Variants in SNURF observed in about 807,000 individuals in gnomAD.
SNURF encodes SNURF protein.
In SNURF, 6 loss-of-function variants were observed where a neutral mutation model predicts 11.6. The ratio of observed to expected loss-of-function variants is 0.52; its 90% CI spans 0.28 to 1.02. The LOEUF (loss-of-function observed/expected upper bound fraction) is 1.02, where lower values mean the gene tolerates loss of function less well. SNURF is among the 50% of genes least tolerant of loss of function. The pLI, the probability that SNURF is intolerant of heterozygous loss-of-function variation, is 0.09. For synonymous variants in SNURF, 29 were observed against 31.6 expected (o/e 0.92, Z 0.27); for missense variants, 84 against 88.4 (o/e 0.95, Z 0.20).
downstream of SNURF, chr15:24,977,878 C>T: frequency 6.3e-7 from 1 of 1,599,824 alleles, no homozygotes; most frequent in Non-Finnish European, 8.5e-7. Flanking sequence ...GGACGGGGCA[C>T]TCCGCCCCCA....
At chr15:24,963,599 A>C (rs1431418975) in intron 2 of SNURF, among the ~76,000 whole-genome samples, 1 of 151,350 alleles carries the variant, frequency 6.6e-6, no homozygotes, top group East Asian at 1.9e-4. Context: ...TGGGTGACAG[A>C]GCAAGACTCC....
At chr15:24,974,643 C>T (rs973097195) in intron 3 of SNURF, 10 of 662,498 alleles carry the variant, frequency 1.5e-5, no homozygotes, top group Non-Finnish European at 2.4e-5. Context: ...TTTTTTCAGA[C>T]GGGGTCTTGC....
chr15:24,974,671 A>G, intron 3 of SNURF: 1 of 628,954 alleles, frequency 1.6e-6, no homozygotes, highest in Non-Finnish European at 2.8e-6. Flanking sequence ...CCCAGTCTGG[A>G]GTGCAGTGGT....
At chr15:24,962,660 G>C (rs994461656) in intron 2 of SNURF, among the ~76,000 whole-genome samples, 1 of 152,048 alleles carries the variant, frequency 6.6e-6, no homozygotes, top group South Asian at 2.1e-4. Context: ...CCTGTTTTAA[G>C]TATATATATG....
chr15:24,974,591 A>G (rs986295000), intron 3 of SNURF: 2 of 855,960 alleles, frequency 2.3e-6, no homozygotes, highest in Admixed American at 3.5e-5. Flanking sequence ...TTCTCATTGC[A>G]TTGAGTATCA....
intron 3 of SNURF, chr15:24,974,377 TTATC>T (rs772922093): frequency 1.1e-5 from 16 of 1,399,536 alleles, no homozygotes; most frequent in South Asian, 2.3e-5. Context: ...CGTCATACCT[TTATC>T]TATAGCCTTC....
At chr15:24,968,951 T>TA (rs2076047084), downstream of SNURF, 1 of 152,152 alleles carries the variant, frequency 6.6e-6, no homozygotes, top group Non-Finnish European at 1.5e-5. Flanking sequence ...TTTTCTACTT[T>TA]AAGTTTTAGA....
chr15:24,955,583 A>G (rs1446378815), intron 1 of SNURF, among the ~76,000 whole-genome samples: 1 of 119,012 alleles, frequency 8.4e-6, no homozygotes, highest in Non-Finnish European at 1.7e-5. Context: ...TGCGTGGTGG[A>G]GCAGGGTACG....
intron 2 of SNURF, among the ~76,000 whole-genome samples, chr15:24,965,804 A>G (rs981604337): frequency 6.6e-6 from 1 of 152,166 alleles, no homozygotes; most frequent in African/African-American, 2.4e-5. Flanking sequence ...CTATTGGGTT[A>G]CAGGTTAGAT....
exon 3 of SNURF, chr15:24,968,311 T>C: frequency 3.0e-6 from 1 of 333,432 alleles, no homozygotes; most frequent in African/African-American, 2.1e-5. Context: ...CAGGTAGTTT[T>C]CTTTTGCGTT....
chr15:24,960,842 G>A (rs1024689328), intron 1 of SNURF, among the ~76,000 whole-genome samples: 3 of 152,180 alleles, frequency 2.0e-5, no homozygotes, highest in African/African-American at 4.8e-5. Context: ...AATGTTAAAA[G>A]TTGATATGCT....
At chr15:24,968,169 A>T (rs2075923141) in exon 3 of SNURF, 1 of 815,006 alleles carries the variant, frequency 1.2e-6, no homozygotes, top group Non-Finnish European at 2.0e-6. Context: ...GTGACACATT[A>T]ATTTTTTTCC....
chr15:24,972,181 G>A (rs529709881), downstream of SNURF, among the ~76,000 whole-genome samples: 5 of 151,664 alleles, frequency 3.3e-5, no homozygotes, highest in South Asian at 2.1e-4. Flanking sequence ...ACTTGAACCC[G>A]GGAAGTGGAG....
chr15:24,967,334 C>T (rs2075784532), intron 2 of SNURF: 1 of 154,844 alleles, frequency 6.5e-6, no homozygotes, highest in Non-Finnish European at 1.4e-5. Context: ...GTGTCATCCT[C>T]TGACCCTAAA....
chr15:24,955,579 G>A (rs2062702660), intron 1 of SNURF, among the ~76,000 whole-genome samples: 1 of 149,932 alleles, frequency 6.7e-6, no homozygotes, highest in Non-Finnish European at 1.5e-5. Flanking sequence ...CCACTGCGTG[G>A]TGGAGCAGGG....
At chr15:24,955,366 G>T (rs2062669435) in intron 1 of SNURF, among the ~76,000 whole-genome samples, 1 of 151,940 alleles carries the variant, frequency 6.6e-6, no homozygotes, top group East Asian at 1.9e-4. Flanking sequence ...GAGCATGCGG[G>T]GTAACCGCAG....
At chr15:24,973,299 CTG>C (rs2076668965), downstream of SNURF, among the ~76,000 whole-genome samples, 3 of 152,216 alleles carry the variant, frequency 2.0e-5, no homozygotes, top group Admixed American at 1.3e-4. Context: ...ATAGTAGACT[CTG>C]TGTATCCTCT....
intron 1 of SNURF, among the ~76,000 whole-genome samples, chr15:24,961,534 G>A (rs540078467): frequency 3.9e-5 from 6 of 152,148 alleles, no homozygotes; most frequent in Non-Finnish European, 5.9e-5. Flanking sequence ...TTCTGCAGAC[G>A]TAACATGGCG....
intron 3 of SNURF, chr15:24,974,723 G>T: frequency 1.6e-6 from 1 of 606,260 alleles, no homozygotes; most frequent in Non-Finnish European, 2.9e-6. Flanking sequence ...AGAGATTCTC[G>T]TGCCTCAGCC....
Sources: allele counts gnomAD v4.1 joint callset (sites outside exome capture counted in the v4.1 genomes callset), GRCh38; gene constraint gnomAD v4.1.1; transcripts MANE v1.5; gene names NCBI Gene and HGNC (gene_info 2026-07-23, HGNC 2026-07-21).